The following SI variants were observed in gnomAD, a reference collection of about 807,000 sequenced individuals.
The protein encoded by SI is sucrase-isomaltase.
In SI, 235 loss-of-function variants were observed where a neutral mutation model predicts 253.3. The observed-to-expected ratio is 0.93, with a 90% CI of 0.83 to 1.03. The LOEUF is 1.03. Ranked by LOEUF, SI falls within the 50% of genes least tolerant of loss-of-function variation. The pLI, the probability that SI is intolerant of heterozygous loss-of-function variation, is 0.00. For synonymous variants in SI, 819 were observed against 712.0 expected (o/e 1.15, Z -2.39); for missense variants, 2,442 against 2,211.1 (o/e 1.10, Z -2.09).
In SI at chr3:165,067,349, C is replaced by A; in HGVS notation, c.626G>T (p.Gly209Val). 3.1e-6 allele frequency: 5 copies of A among 1,607,580 alleles called. No individual in the cohort carries two copies. The highest frequency in any genetic ancestry group is 4.3e-6 in the Non-Finnish European group (5 of 1,175,174). Residue 209 changes from glycine to valine, a missense_variant, in exon 6 of 48, where the codon GGT becomes GTT. Physicochemically the swap from Gly to Val is moderately radical, Grantham distance 109. Coordinates refer to ENST00000264382, the MANE Select transcript of SI (RefSeq NM_001041.4). The part of the protein sequence containing the change: ...FSIQVIRKSN[G>V]KTLFDTSIGP... ...AAAATAATACACTTACAAAGTTTTA[C>A]CGTTGCTTTTCCTAATAACTTGGAT...
chr3:165,016,193 A>T, intron 31 of SI, 113 bp from the exon 32 acceptor site: 1 of 881,692 alleles, frequency 1.1e-6, no homozygotes, highest in Non-Finnish European at 1.9e-6. Flanking sequence ...GTTCCTCTTC[A>T]CTAGATCCTA....
intron 35 of SI, among the ~76,000 whole-genome samples, chr3:165,008,812 G>A (rs974287087): frequency 5.9e-5 from 9 of 151,686 alleles, no homozygotes; most frequent in Non-Finnish European, 1.2e-4. Flanking sequence ...GCATTTACTT[G>A]TAGCAAAGTA....
intron 44 of SI, 47 bp downstream of exon 44, chr3:164,991,306 T>C: frequency 1.9e-6 from 3 of 1,606,164 alleles, no homozygotes; most frequent in Non-Finnish European, 2.6e-6. Context: ...AATGCTAGCA[T>C]GATGTATCTC....
At chr3:165,042,969 G>C in intron 17 of SI, 90 bp downstream of exon 17, 1 of 820,658 alleles carries the variant, frequency 1.2e-6, no homozygotes, top group Admixed American at 1.7e-5. Flanking sequence ...CAATCTTTCA[G>C]ACCATATACT....
In SI at chr3:165,028,883, C is replaced by CA. The variant is rs367659048; in HGVS notation, c.2892+1828dup. Among the ~76,000 whole-genome samples the CA allele has an allele frequency of 5.2e-3, 779 of 150,864 alleles. 10 individuals are homozygous for CA. Among genetic ancestry groups the CA allele is most frequent in the African/African-American group, 0.018 (742 of 41,328 alleles). On this transcript the variant is annotated intron_variant, in intron 25 of 47. Transcript: ENST00000264382. ...TTGTCTCAGGCAAGGATTTGATGAC[C>CA]AAAAACAAAAGCAAATCCAATAAAA...
chr3:165,023,161 A>G (rs1055950634), intron 26 of SI, among the ~76,000 whole-genome samples: 30 of 151,652 alleles, frequency 2.0e-4, no homozygotes, highest in African/African-American at 7.2e-4. Context: ...AAGTTAAAAA[A>G]TGCTATCTCT....
Position 165,065,243 on chromosome 3 carries a change from A to G in SI, c.807+18T>C, listed in dbSNP as rs1037372437. 1.3e-6 allele frequency: 2 copies of G among 1,531,836 alleles called. No individual in the cohort carries two copies. Among genetic ancestry groups the G allele is most frequent in the African/African-American group, 1.4e-5 (1 of 73,222 alleles). 94.9% of individuals were successfully genotyped at this position (1,531,836 alleles called of 1,614,324 possible). ...CAATATAGTGATTTTATTTATAACA[A>G]GAAAAATAATTTCTTACATCACCAG... is the stretch of plus-strand genomic sequence containing the variant. On this transcript the variant is annotated intron_variant, in intron 7 of 47. Transcript: ENST00000264382.
chr3:165,046,988 A>C lies in SI; in HGVS notation c.1740T>G (p.Asn580Lys), dbSNP rs755930211. ...AGCGGGTAAGAATGAAGCTTCTCTT[A>C]TTAGGAAAAACTTTTTGTACAGCTC... ...TEQAVQKVFPNKRSFILTRST... is the reference protein window; with the variant it reads ...TEQAVQKVFPKKRSFILTRST... The change falls in exon 16 of 48, where the codon AAT becomes AAG. Residue 580 changes from asparagine to lysine, a missense_variant. Coordinates refer to ENST00000264382, the MANE Select transcript of SI (RefSeq NM_001041.4). The C allele has an allele frequency of 1.2e-6, 2 of 1,609,312 alleles. No homozygotes were observed. Among genetic ancestry groups the C allele is most frequent in the South Asian group, 2.2e-5 (2 of 89,934 alleles).
At chr3:165,029,333 G>C (rs559872485) in intron 25 of SI, among the ~76,000 whole-genome samples, 1 of 150,864 alleles carries the variant, frequency 6.6e-6, no homozygotes, top group South Asian at 2.1e-4. Flanking sequence ...CTGATAGTGG[G>C]AATGTAAACT....
At chr3:164,999,900 T>C (rs752406421) in intron 37 of SI, among the ~76,000 whole-genome samples, 24 of 151,800 alleles carry the variant, frequency 1.6e-4, no homozygotes, top group African/African-American at 4.6e-4. Context: ...AAATTGTCAC[T>C]CTTTTAAAAA....
chr3:165,018,551 CATTT>C (rs1164191637), intron 28 of SI, among the ~76,000 whole-genome samples: 1 of 150,184 alleles, frequency 6.7e-6, no homozygotes, highest in Non-Finnish European at 1.5e-5. Flanking sequence ...ATTTATAGAA[CATTT>C]AAAGTTTTAT....
At chr3:165,039,181 G>T in intron 19 of SI, 47 bp from the exon 20 acceptor site, 1 of 1,291,604 alleles carries the variant, frequency 7.7e-7, no homozygotes. Context: ...TTTTAACAAG[G>T]AGGATCTTAT....
At position 165,067,422 on chromosome 3, in the gene SI, C is replaced by G; in HGVS notation, c.553G>C (p.Val185Leu). 1 of 1,611,976 alleles carries G rather than the reference C, an allele frequency of 6.2e-7. No individual in the cohort carries two copies. The change falls in exon 6 of 48, where the codon GTT becomes CTT. Residue 185 changes from valine to leucine, a missense_variant. Coordinates refer to ENST00000264382, the MANE Select transcript of SI (RefSeq NM_001041.4). ...QYVKEFTGPT[V>L]SDTLYDVKVA... ...TTCACATCATACAACGTATCAGAAA[C>G]TGTGGGTCCAGTAAACTCTTTTACA...
intron 16 of SI, among the ~76,000 whole-genome samples, chr3:165,044,927 A>G (rs993279218): frequency 6.6e-5 from 10 of 152,024 alleles, no homozygotes; most frequent in African/African-American, 2.4e-4. Context: ...TTTATTGTGC[A>G]TGGTGTGAGA....
chr3:165,077,959 A>G lies in SI; in HGVS notation c.-1+474T>C, dbSNP rs761693814. ...ATATATATTGATACCCTTTCTCTGC[A>G]TATTTATTATGAAGATGAATAATAC... is the stretch of plus-strand genomic sequence containing the variant. On this transcript the variant is annotated intron_variant, in intron 1 of 47. Transcript: ENST00000264382. 1.8e-4 allele frequency among the ~76,000 whole-genome samples: 28 copies of G among 151,582 alleles called. No individual in the cohort carries two copies. In the East Asian group the frequency reaches 2.1e-3, roughly 11 times the overall value.
chr3:165,041,315 T>C (rs146422855), intron 17 of SI, among the ~76,000 whole-genome samples: 68 of 152,302 alleles, frequency 4.5e-4, no homozygotes, highest in Non-Finnish European at 8.2e-4. Context: ...CATTTCAACA[T>C]ATTTAAAGCG....
At chr3:165,022,600 TAC>T (rs147881967) in intron 26 of SI, among the ~76,000 whole-genome samples, 68 of 127,646 alleles carry the variant, frequency 5.3e-4, no homozygotes, top group Admixed American at 8.7e-4. Flanking sequence ...CCATCACACA[TAC>T]ACACACACAC....
intron 34 of SI, among the ~76,000 whole-genome samples, chr3:165,012,521 T>A (rs564285935): frequency 6.6e-6 from 1 of 152,066 alleles, no homozygotes; most frequent in Non-Finnish European, 1.5e-5. Flanking sequence ...CTCCACCTCC[T>A]GGGTTAACAC....
intron 25 of SI, 53 bp from the exon 26 acceptor site, chr3:165,023,829 TACTCTTTAA>T: frequency 7.7e-7 from 1 of 1,302,108 alleles, no homozygotes; most frequent in Non-Finnish European, 1.1e-6. Context: ...TGTAATATTT[TACTCTTTAA>T]AATTATACTG....
Sources: gnomAD v4.1 joint callset for allele counts (sites outside exome capture counted in the v4.1 genomes callset) on GRCh38, gnomAD v4.1.1 for gene constraint, MANE v1.5 for transcripts, NCBI Gene and HGNC (gene_info 2026-07-23, HGNC 2026-07-21) for gene names.